The following PTPRR variants were observed in gnomAD, a reference collection of about 807,000 sequenced individuals.
PTPRR encodes the protein protein tyrosine phosphatase receptor type R, also known as receptor-type tyrosine-protein phosphatase R.
PTPRR carries 38 observed loss-of-function variants against 77.2 expected under a neutral mutation model. The ratio of observed to expected loss-of-function variants is 0.49; its 90% confidence interval spans 0.38 to 0.65. PTPRR has a LOEUF of 0.65. Among genes scored for constraint, PTPRR ranks in the 30% least tolerant of loss-of-function variants. The probability of loss-of-function intolerance (pLI) is 0.00; values close to 1 mark genes in which losing one functional copy is unlikely to be tolerated. For synonymous variants in PTPRR, 299 were observed against 283.1 expected, an observed-to-expected ratio of 1.06 and a Z score of -0.57; for missense variants, 744 against 799.2, an observed-to-expected ratio of 0.93 and a Z score of 0.83.
chr12:70,858,223 G>C (rs1892685984), intron 2 of PTPRR, among the ~76,000 whole-genome samples: 1 of 151,782 alleles, frequency 6.6e-6, no homozygotes, highest in Admixed American at 6.6e-5. Flanking sequence ...TGTCAGACCA[G>C]CATCATGGTC....
At chr12:70,893,104 C>G in intron 1 of PTPRR, 127 bp from the exon 2 acceptor site, 1 of 1,036,034 alleles carries the variant, frequency 9.7e-7, no homozygotes, top group South Asian at 1.7e-5. Context: ...AGGTTAGTCT[C>G]CATATTTCTT....
intron 1 of PTPRR, among the ~76,000 whole-genome samples, chr12:70,913,388 C>T (rs1311479637): frequency 1.3e-5 from 2 of 152,122 alleles, no homozygotes; most frequent in Non-Finnish European, 2.9e-5. Context: ...GCCACTGTCT[C>T]ACACTCCCAC....
intron 13 of PTPRR, among the ~76,000 whole-genome samples, chr12:70,652,082 T>C (rs1592635992): frequency 2.6e-5 from 4 of 152,180 alleles, no homozygotes; most frequent in African/African-American, 9.7e-5. Context: ...AAGGTAAGGA[T>C]AGCCAGGAAA....
chr12:70,648,829 A>G (rs1319191857), intron 13 of PTPRR, among the ~76,000 whole-genome samples: 1 of 152,176 alleles, frequency 6.6e-6, no homozygotes, highest in Non-Finnish European at 1.5e-5. Context: ...GCCCTTCTAA[A>G]TAAAACATTC....
chr12:70,654,690 G>A (rs1443879379), intron 13 of PTPRR, among the ~76,000 whole-genome samples: 2 of 151,732 alleles, frequency 1.3e-5, no homozygotes, highest in Non-Finnish European at 2.9e-5. Context: ...TATTTTGCTT[G>A]TTTATTATCT....
At chr12:70,744,678 T>C (rs1238936403) in intron 6 of PTPRR, among the ~76,000 whole-genome samples, 1 of 152,186 alleles carries the variant, frequency 6.6e-6, no homozygotes, top group Non-Finnish European at 1.5e-5. Context: ...TGATGTATCA[T>C]GGGAAATATA....
intron 5 of PTPRR, among the ~76,000 whole-genome samples, chr12:70,749,124 T>C (rs908153992): frequency 2.0e-5 from 3 of 152,096 alleles, no homozygotes; most frequent in African/African-American, 7.2e-5. Context: ...GCCAGAAATA[T>C]ATGTTCACAA....
intron 8 of PTPRR, among the ~76,000 whole-genome samples, chr12:70,691,031 G>C (rs530899559): frequency 6.6e-6 from 1 of 152,106 alleles, no homozygotes; most frequent in East Asian, 1.9e-4. Flanking sequence ...TTTAAAAAAA[G>C]GTCAGTTCTA....
intron 2 of PTPRR, among the ~76,000 whole-genome samples, chr12:70,860,289 C>A (rs894114913): frequency 2.0e-5 from 3 of 152,078 alleles, no homozygotes; most frequent in Non-Finnish European, 4.4e-5. Context: ...ATGACAAGCA[C>A]ATATGAACAT....
At chr12:70,776,574 C>T (rs1348576179) in intron 2 of PTPRR, among the ~76,000 whole-genome samples, 1 of 152,122 alleles carries the variant, frequency 6.6e-6, no homozygotes, top group Admixed American at 6.5e-5. Context: ...TACACCTTTC[C>T]ACCACACATG....
At chr12:70,818,761 A>C (rs1002571721) in intron 2 of PTPRR, among the ~76,000 whole-genome samples, 2 of 152,156 alleles carry the variant, frequency 1.3e-5, no homozygotes, top group Non-Finnish European at 2.9e-5. Flanking sequence ...TTTATATTAA[A>C]GATATTTTCA....
intron 2 of PTPRR, chr12:70,788,956 C>T: frequency 1.5e-6 from 2 of 1,340,230 alleles, no homozygotes; most frequent in Middle Eastern, 1.9e-4. Context: ...CATTTAGTCA[C>T]CTGGAGGTAA....
chr12:70,885,376 A>G (rs1011544366), intron 2 of PTPRR, among the ~76,000 whole-genome samples: 1 of 152,206 alleles, frequency 6.6e-6, no homozygotes. Context: ...ATGATACTTA[A>G]CGACTTGGAA....
chr12:70,893,225 A>T (rs924951038), intron 1 of PTPRR, among the ~76,000 whole-genome samples: 3 of 151,942 alleles, frequency 2.0e-5, no homozygotes, highest in Non-Finnish European at 4.4e-5. Flanking sequence ...TATTTTTCAG[A>T]TATTCTGATG....
intron 2 of PTPRR, among the ~76,000 whole-genome samples, chr12:70,805,981 A>C (rs1379994639): frequency 6.6e-6 from 1 of 152,210 alleles, no homozygotes; most frequent in Non-Finnish European, 1.5e-5. Context: ...GTGCCAAAGC[A>C]TAAAGTTCTT....
In PTPRR at chr12:70,723,175, A is replaced by C. The variant is rs534573975; in HGVS notation, c.1008-21852T>G. Among the ~76,000 whole-genome samples the C allele has an allele frequency of 3.3e-5, 5 of 152,274 alleles. No individual in the cohort carries two copies. In the South Asian group the frequency reaches 1.0e-3, roughly 32 times the overall value. ...AGGGTTTCCTGTCACCTTGGGAACA[A>C]AATTGATTGGCACTGGTTTCCTGTG... On this transcript the variant is annotated intron_variant, in intron 6 of 13. Coordinates refer to ENST00000283228, the MANE Select transcript of PTPRR (RefSeq NM_002849.4).
chr12:70,792,015 C>G (rs1044249270), intron 2 of PTPRR, among the ~76,000 whole-genome samples: 1 of 152,120 alleles, frequency 6.6e-6, no homozygotes, highest in Non-Finnish European at 1.5e-5. Flanking sequence ...ACATCATCTC[C>G]CATTAGGTAT....
At chr12:70,707,371 T>C (rs774004229) in intron 6 of PTPRR, among the ~76,000 whole-genome samples, 52 of 152,132 alleles carry the variant, frequency 3.4e-4, no homozygotes, top group Non-Finnish European at 6.2e-4. Flanking sequence ...TATGATTTAC[T>C]TTTAAAAAAA....
intron 6 of PTPRR, among the ~76,000 whole-genome samples, chr12:70,737,486 A>ATATCTATCTATCTATCTATCTATC (rs10643938): frequency 2.1e-5 from 3 of 144,140 alleles, no homozygotes; most frequent in African/African-American, 5.2e-5. Flanking sequence ...TATTTAATGA[A>ATATCTATCTATCTATCTATCTATC]TATCTATCTA....
Sources: gnomAD v4.1 joint callset for allele counts (sites outside exome capture counted in the v4.1 genomes callset) on GRCh38, gnomAD v4.1.1 for gene constraint, MANE v1.5 for transcripts, NCBI Gene and HGNC (gene_info 2026-07-23, HGNC 2026-07-21) for gene names.